The following SCARB1 variants were observed in gnomAD, a reference collection of about 807,000 sequenced individuals.
SCARB1 encodes the protein CD36 and LIMPII analogous 1.
Under a neutral mutation model 57.2 loss-of-function variants are expected in SCARB1, and 30 were observed. That is an observed-to-expected ratio of 0.52 (90% CI 0.39 to 0.71). The LOEUF is 0.71. Among genes scored for constraint, SCARB1 ranks in the 30% least tolerant of loss-of-function variants. The pLI is 0.00. For missense variants in SCARB1, 543 were observed against 671.2 expected (o/e 0.81, Z 2.11); for synonymous variants, 249 against 268.3 (o/e 0.93, Z 0.70).
intron 11 of SCARB1, chr12:124,786,075 G>GC: frequency 6.6e-7 from 1 of 1,524,856 alleles, no homozygotes; most frequent in Non-Finnish European, 8.8e-7. Flanking sequence ...AATGGATGAT[G>GC]CAAGTACCAG....
chr12:124,826,866 A>C (rs928017357), intron 1 of SCARB1, among the ~76,000 whole-genome samples: 1 of 152,212 alleles, frequency 6.6e-6, no homozygotes, highest in African/African-American at 2.4e-5. Flanking sequence ...ACATGAAATA[A>C]TACTCTATAT....
chr12:124,859,381 A>G (rs979087713), intron 1 of SCARB1, among the ~76,000 whole-genome samples: 6 of 152,060 alleles, frequency 3.9e-5, no homozygotes, highest in African/African-American at 1.4e-4. Context: ...CAAAAAAAAA[A>G]TTAGCTGGGT....
Position 124,810,101 on chromosome 12 carries a change from G to T in SCARB1, c.842+73C>A. 2.2e-6 allele frequency: 2 copies of T among 924,676 alleles called. No individual in the cohort carries two copies. Among genetic ancestry groups the T allele is most frequent in the Non-Finnish European group, 3.5e-6 (2 of 564,504 alleles). The allele number at this position is 924,676 out of a possible 1,614,324, so 57.3% of individuals were successfully genotyped here. A position where few individuals can be genotyped will look rare whatever the true frequency, so the allele number is the denominator to read the frequency against. On this transcript the variant is annotated intron_variant, in intron 6 of 12. Coordinates refer to ENST00000261693, the MANE Select transcript of SCARB1 (RefSeq NM_005505.5). The surrounding 1 kb of genome is among the most constrained non-coding windows in gnomAD (Gnocchi z 4.0). ...CGATGAGTCAAAATGCTTTCCAAGT[G>T]CACAGCCAACACCACAGAATTTGGC...
At chr12:124,827,842 G>T (rs770554780) in intron 1 of SCARB1, among the ~76,000 whole-genome samples, 2 of 152,010 alleles carry the variant, frequency 1.3e-5, no homozygotes, top group African/African-American at 4.8e-5. Context: ...TGTGGCCTTC[G>T]AGCACACGGT....
Position 124,795,182 on chromosome 12 carries a change from A to G in SCARB1, c.1202+13T>C. The G allele has an allele frequency of 1.2e-6, 2 of 1,609,634 alleles. No individual in the cohort carries two copies. Among genetic ancestry groups the G allele is most frequent in the Non-Finnish European group, 1.7e-6 (2 of 1,176,038 alleles). On this transcript the variant is annotated intron_variant, in intron 9 of 12. Coordinates refer to ENST00000261693, the MANE Select transcript of SCARB1 (RefSeq NM_005505.5). The stretch of plus-strand genomic sequence containing the variant: ...AATGAGCAATGCAGCCCCAGCTCCC[A>G]GTCCCCACTCACCCAATGCCTGCGA...
chr12:124,860,223 C>T (rs879725679), intron 1 of SCARB1, among the ~76,000 whole-genome samples: 5 of 152,072 alleles, frequency 3.3e-5, no homozygotes, highest in Non-Finnish European at 7.4e-5. Flanking sequence ...GGTTCAGATC[C>T]CTGGGGGCAC....
intron 1 of SCARB1, among the ~76,000 whole-genome samples, chr12:124,857,445 G>A (rs557141363): frequency 9.2e-5 from 14 of 152,192 alleles, no homozygotes; most frequent in Admixed American, 7.2e-4. Flanking sequence ...GGCTGGCCCT[G>A]GTGCCGGGGC....
chr12:124,795,465 G>A (rs1949912468), intron 8 of SCARB1, among the ~76,000 whole-genome samples, 197 bp from the exon 9 acceptor site: 1 of 152,174 alleles, frequency 6.6e-6, no homozygotes, highest in South Asian at 2.1e-4. Flanking sequence ...GGTGCACTGG[G>A]ATCTCCTCTC....
chr12:124,853,557 G>T (rs1952515960), intron 1 of SCARB1, among the ~76,000 whole-genome samples: 1 of 152,098 alleles, frequency 6.6e-6, no homozygotes, highest in South Asian at 2.1e-4. Flanking sequence ...ACCACGCCTG[G>T]CTAATTTTTG....
chr12:124,806,351 GGGGGTGTCTCA>G (rs1566171055), intron 7 of SCARB1, among the ~76,000 whole-genome samples: 1 of 152,170 alleles, frequency 6.6e-6, no homozygotes, highest in East Asian at 1.9e-4. Context: ...AACTTGAGGT[GGGGGTGTCTCA>G]GGGACTGGCA....
At chr12:124,801,878 C>T (rs147847933) in intron 7 of SCARB1, among the ~76,000 whole-genome samples, 209 of 148,660 alleles carry the variant, frequency 1.4e-3, no homozygotes, top group African/African-American at 4.7e-3. Context: ...GGGCCGGGCG[C>T]GGTGGCTCAC....
At chr12:124,861,450 A>T (rs1260493930) in intron 1 of SCARB1, among the ~76,000 whole-genome samples, 1 of 151,504 alleles carries the variant, frequency 6.6e-6, no homozygotes, top group Non-Finnish European at 1.5e-5. Flanking sequence ...AACTGTAGGG[A>T]CTTCTGTTGT....
In SCARB1 at chr12:124,814,450, G is replaced by A; in HGVS notation, c.427-45C>T. The A allele has an allele frequency of 6.3e-7, 1 of 1,593,246 alleles. No homozygotes were observed. Among genetic ancestry groups the A allele is most frequent in the Non-Finnish European group, 8.6e-7 (1 of 1,162,914 alleles). On this transcript the variant is annotated intron_variant, in intron 3 of 12. Transcript: ENST00000261693. This position sits in a 1 kb window ranked among gnomAD's most constrained non-coding sequence, Gnocchi z 4.7. Reference sequence around the variant, plus strand: ...TAGTGTCAGAGGCTGGACGTGGCTGGCCCATCCTCCCTTGGCCCCAGCTGG... The same window carrying A: ...TAGTGTCAGAGGCTGGACGTGGCTGACCCATCCTCCCTTGGCCCCAGCTGG...
chr12:124,814,024 G>A lies in SCARB1; in HGVS notation c.630+178C>T, dbSNP rs1421239777. ...AACCCTAGCATTTTCAGTTCTATGAGCCCCAACATTCCCCATTTCACTCAA... is the reference window on the plus strand; with the variant it reads ...AACCCTAGCATTTTCAGTTCTATGAACCCCAACATTCCCCATTTCACTCAA... On this transcript the variant is annotated intron_variant, in intron 4 of 12. Coordinates refer to ENST00000261693, the MANE Select transcript of SCARB1 (RefSeq NM_005505.5). This position sits in a 1 kb window ranked among gnomAD's most constrained non-coding sequence, Gnocchi z 4.7. 6.6e-6 allele frequency among the ~76,000 whole-genome samples: 1 copy of A among 152,092 alleles called. No homozygotes were observed. Among genetic ancestry groups the A allele is most frequent in the Non-Finnish European group, 1.5e-5 (1 of 68,016 alleles).
chr12:124,861,403 G>T (rs1952894370), intron 1 of SCARB1, among the ~76,000 whole-genome samples: 1 of 151,852 alleles, frequency 6.6e-6, no homozygotes, highest in Non-Finnish European at 1.5e-5. Flanking sequence ...GCAGTTGATT[G>T]AATCCACGGA....
Position 124,821,498 on chromosome 12 carries a change from T to TCC in SCARB1, c.127-3793_127-3792dup, listed in dbSNP as rs1246909995. 5.1e-6 allele frequency: 5 copies of TCC among 984,456 alleles called. No homozygotes were observed. The African/African-American group carries it at 8.8e-5, about 17-fold the overall frequency. The allele number at this position is 984,456 out of a possible 1,614,324, so 61.0% of individuals were successfully genotyped here. A position where few individuals can be genotyped will look rare whatever the true frequency, so the allele number is the denominator to read the frequency against. ...CTCAATCTCTCTCTCTCTCTCTCTC[T>TCC]CCCCAAAGAAGAGGCTTTCAGGCCC... On this transcript the variant is annotated intron_variant, in intron 1 of 12. Transcript: ENST00000261693.
chr12:124,820,509 C>T (rs2135705248), intron 1 of SCARB1, among the ~76,000 whole-genome samples: 1 of 152,224 alleles, frequency 6.6e-6, no homozygotes, highest in East Asian at 1.9e-4. Context: ...GGCACCAGCT[C>T]CAGCCCCTCC....
chr12:124,811,000 G>A lies in SCARB1; in HGVS notation c.727-711C>T, dbSNP rs979351864. ...TACCACGGGGAGTGGGGAGTGGGAA[G>A]TCACACAGTCATTTTCACACATATT... On this transcript the variant is annotated intron_variant, in intron 5 of 12. Transcript: ENST00000261693. The surrounding 1 kb of genome is among the most constrained non-coding windows in gnomAD (Gnocchi z 4.0). 1.4e-4 allele frequency among the ~76,000 whole-genome samples: 22 copies of A among 152,184 alleles called. No homozygotes were observed. The highest frequency in any genetic ancestry group is 1.5e-5 in the Non-Finnish European group (1 of 68,040).
chr12:124,831,490 TAAGAG>T (rs1476053570), intron 1 of SCARB1, among the ~76,000 whole-genome samples: 3 of 152,136 alleles, frequency 2.0e-5, no homozygotes, highest in Non-Finnish European at 4.4e-5. Context: ...GTGTCGCTAA[TAAGAG>T]AGCACCTACA....
Sources: gnomAD v4.1 joint callset for allele counts (sites outside exome capture counted in the v4.1 genomes callset) on GRCh38, gnomAD v4.1.1 for gene constraint, Gnocchi (gnomAD v3.1) non-coding constraint, MANE v1.5 for transcripts, NCBI Gene and HGNC (gene_info 2026-07-23, HGNC 2026-07-21) for gene names.